Variants in TP63 observed in about 807,000 individuals in gnomAD.
TP63 encodes the protein tumor protein 63.
Under a neutral mutation model 82.8 loss-of-function variants are expected in TP63, and 17 were observed. That is an observed-to-expected ratio of 0.21 (90% CI 0.14 to 0.31). The LOEUF (loss-of-function observed/expected upper bound fraction) is 0.31, where lower values mean the gene tolerates loss of function less well. Ranked by LOEUF, TP63 falls within the 10% of genes least tolerant of loss-of-function variation. The probability of loss-of-function intolerance (pLI) is 1.00; values close to 1 mark genes in which losing one functional copy is unlikely to be tolerated. For missense variants in TP63, 648 were observed against 895.3 expected (o/e 0.72, Z 3.52); for synonymous variants, 330 against 321.7 (o/e 1.03, Z -0.28).
At chr3:189,730,799 C>G (rs1720108749) in intron 1 of TP63, among the ~76,000 whole-genome samples, 1 of 152,146 alleles carries the variant, frequency 6.6e-6, no homozygotes, top group African/African-American at 2.4e-5. Context: ...TCAAGGAGGC[C>G]TTTGAGCCAG....
At chr3:189,882,673 A>G (rs890993302) in intron 10 of TP63, among the ~76,000 whole-genome samples, 1 of 152,168 alleles carries the variant, frequency 6.6e-6, no homozygotes, top group Non-Finnish European at 1.5e-5. Context: ...AATTCTAGAC[A>G]TCTAGGAGGT....
the TP63 span, among the ~76,000 whole-genome samples, chr3:189,599,092 CTT>C: frequency 6.6e-6 from 1 of 152,168 alleles, no homozygotes; most frequent in African/African-American, 2.4e-5. Flanking sequence ...TGTTTTCACT[CTT>C]AAAGTTTGTA....
At chr3:189,838,221 C>T (rs1337346982) in intron 4 of TP63, among the ~76,000 whole-genome samples, 1 of 152,074 alleles carries the variant, frequency 6.6e-6, no homozygotes, top group African/African-American at 2.4e-5. Flanking sequence ...TTTGTTGTTG[C>T]TGTGAGTGTC....
intron 4 of TP63, among the ~76,000 whole-genome samples, chr3:189,821,114 C>T (rs539711327): frequency 2.7e-4 from 41 of 151,546 alleles, no homozygotes; most frequent in Non-Finnish European, 5.2e-4. Context: ...GTGAAAAGAA[C>T]AAAAAAAAGC....
chr3:189,781,612 C>G (rs1254093654), intron 3 of TP63, among the ~76,000 whole-genome samples: 1 of 142,938 alleles, frequency 7.0e-6, no homozygotes, highest in South Asian at 2.1e-4. Flanking sequence ...TTTTTTTTTT[C>G]CTGGAAAGGG....
chr3:189,800,781 T>G (rs1013608480), intron 3 of TP63, among the ~76,000 whole-genome samples: 1 of 152,158 alleles, frequency 6.6e-6, no homozygotes, highest in East Asian at 1.9e-4. Context: ...GCAAAGCACT[T>G]GAACACTCTA....
intron 4 of TP63, among the ~76,000 whole-genome samples, chr3:189,826,304 T>G (rs749816330): frequency 5.3e-5 from 8 of 152,222 alleles, no homozygotes; most frequent in Non-Finnish European, 1.0e-4. Context: ...GATGAGCTTC[T>G]TGGAAAAGGC....
chr3:189,679,613 T>C (rs2108688713), intron 1 of TP63, among the ~76,000 whole-genome samples: 1 of 152,260 alleles, frequency 6.6e-6, no homozygotes, highest in Middle Eastern at 3.4e-3. Context: ...GTTTTTTTAC[T>C]GTACAAAAGT....
At chr3:189,641,300 G>A (rs1389936611) in intron 1 of TP63, among the ~76,000 whole-genome samples, 2 of 152,010 alleles carry the variant, frequency 1.3e-5, no homozygotes, top group African/African-American at 2.4e-5. Flanking sequence ...TCTTAATTAA[G>A]TGTGAGGTAA....
At position 189,808,472 on chromosome 3, in the gene TP63, C is replaced by T. The variant is rs1354325868; in HGVS notation, c.525C>T (p.His175=). 1 of 1,614,198 alleles carries T rather than the reference C, an allele frequency of 6.2e-7. No individual in the cohort carries two copies. Among genetic ancestry groups the T allele is most frequent in the Non-Finnish European group, 8.5e-7 (1 of 1,180,038 alleles). Residue 175 remains histidine, a synonymous_variant, in exon 4 of 14, where the codon CAC becomes CAT. Transcript: ENST00000264731. The part of the protein sequence containing the change: ...IPSNTDYPGP[H]SFDVSFQQSS... ...CCAACACCGACTACCCAGGCCCGCA[C>T]AGTTTCGACGTGTCCTTCCAGCAGT...
At chr3:189,660,860 C>T (rs1713817368) in intron 1 of TP63, among the ~76,000 whole-genome samples, 1 of 151,620 alleles carries the variant, frequency 6.6e-6, no homozygotes, top group Admixed American at 6.6e-5. Context: ...TTGCTCTCAG[C>T]TTCAACATTA....
At chr3:189,890,611 T>C (rs549524907) in intron 12 of TP63, among the ~76,000 whole-genome samples, 178 bp from the exon 13 acceptor site, 8 of 152,282 alleles carry the variant, frequency 5.3e-5, no homozygotes, top group African/African-American at 1.7e-4. Context: ...CTAAACTTCA[T>C]GTCACCAGTA....
intron 4 of TP63, among the ~76,000 whole-genome samples, chr3:189,808,920 T>C (rs1037166845): frequency 6.6e-6 from 1 of 152,236 alleles, no homozygotes; most frequent in Non-Finnish European, 1.5e-5. Flanking sequence ...AAGTGTCACA[T>C]TAAGTTGTGA....
At chr3:189,757,741 C>G (rs558598345) in intron 3 of TP63, among the ~76,000 whole-genome samples, 40 of 152,284 alleles carry the variant, frequency 2.6e-4, no homozygotes, top group African/African-American at 8.7e-4. Flanking sequence ...CCCCCTACCC[C>G]CAACCCTCAC....
At chr3:189,831,262 TA>T (rs1330623537) in intron 4 of TP63, among the ~76,000 whole-genome samples, 1 of 152,210 alleles carries the variant, frequency 6.6e-6, no homozygotes, top group African/African-American at 2.4e-5. Context: ...CATTCTTTCT[TA>T]AATATTTCTA....
intron 4 of TP63, among the ~76,000 whole-genome samples, chr3:189,836,992 G>A (rs972021769): frequency 2.0e-5 from 3 of 152,172 alleles, no homozygotes; most frequent in Non-Finnish European, 4.4e-5. Context: ...CACATGCAAA[G>A]TTATGTAACC....
chr3:189,772,167 A>G (rs111261992), intron 3 of TP63, among the ~76,000 whole-genome samples: 8 of 152,188 alleles, frequency 5.3e-5, no homozygotes, highest in African/African-American at 1.7e-4. Context: ...CATAACAACT[A>G]TTTTACATTT....
the TP63 span, among the ~76,000 whole-genome samples, chr3:189,607,543 G>A: frequency 6.6e-6 from 1 of 151,810 alleles, no homozygotes; most frequent in South Asian, 2.1e-4. Flanking sequence ...AGAGTAAAAT[G>A]GATAAGTAAG....
intron 4 of TP63, among the ~76,000 whole-genome samples, chr3:189,840,827 A>C (rs1484839518): frequency 1.4e-5 from 2 of 144,216 alleles, no homozygotes; most frequent in South Asian, 4.6e-4. Context: ...ACTGCACTCC[A>C]GCCTGGGCGA....
Sources: allele counts gnomAD v4.1 joint callset (sites outside exome capture counted in the v4.1 genomes callset), GRCh38; gene constraint gnomAD v4.1.1; transcripts MANE v1.5; gene names NCBI Gene and HGNC (gene_info 2026-07-23, HGNC 2026-07-21).